PCDH17: variants seen among roughly 807,000 people sequenced by gnomAD.
PCDH17 encodes the protein protocadherin 17, also known as protocadherin-17.
Under a neutral mutation model 67.7 loss-of-function variants are expected in PCDH17, and 21 were observed. The ratio of observed to expected loss-of-function variants is 0.31; its 90% CI spans 0.22 to 0.45. The LOEUF is 0.45. Among genes scored for constraint, PCDH17 ranks in the 20% least tolerant of loss-of-function variants. PCDH17 has a pLI of 1.00. For missense variants in PCDH17, 1,471 were observed against 1,564.8 expected (o/e 0.94, Z 1.01); for synonymous variants, 701 against 656.7 (o/e 1.07, Z -1.03).
chr13:57,719,591 A>G (rs1242862239), intron 3 of PCDH17, among the ~76,000 whole-genome samples: 1 of 152,054 alleles, frequency 6.6e-6, no homozygotes, highest in Non-Finnish European at 1.5e-5. Flanking sequence ...AAATCCTTTT[A>G]TGCTCTCTAA....
chr13:57,630,639 G>T (rs1219320799), upstream of PCDH17, among the ~76,000 whole-genome samples: 1 of 152,152 alleles, frequency 6.6e-6, no homozygotes, highest in Non-Finnish European at 1.5e-5. Context: ...TCGGACTCCG[G>T]CAGAAAGAGG....
chr13:57,725,520 T>TA lies in PCDH17; in HGVS notation c.*228dup. Reference sequence around the variant, plus strand: ...GACCAAACTTGTATTAGGACAGAATTAATGATGCTTAAAGAGAAAAGAAAA... The same window carrying TA: ...GACCAAACTTGTATTAGGACAGAATTAAATGATGCTTAAAGAGAAAAGAAAA... On this transcript the variant is annotated 3_prime_UTR_variant, in exon 4 of 4. Coordinates refer to ENST00000377918, the MANE Select transcript of PCDH17 (RefSeq NM_001040429.3). 1 of 463,202 alleles carries TA rather than the reference T, an allele frequency of 2.2e-6. No homozygotes were observed. The allele number at this position is 463,202 out of a possible 1,614,324, so 28.7% of individuals were successfully genotyped here. A position where few individuals can be genotyped will look rare whatever the true frequency, so the allele number is the denominator to read the frequency against.
At chr13:57,703,010 C>A (rs1037991593) in intron 3 of PCDH17, among the ~76,000 whole-genome samples, 1 of 152,102 alleles carries the variant, frequency 6.6e-6, no homozygotes. Flanking sequence ...TATGTGTGTT[C>A]TGTCTTGTTT....
intron 1 of PCDH17, among the ~76,000 whole-genome samples, chr13:57,663,317 T>C (rs779279890): frequency 6.6e-6 from 1 of 152,172 alleles, no homozygotes; most frequent in Non-Finnish European, 1.5e-5. Flanking sequence ...ATTACTCTGC[T>C]GAGTCCTAAA....
intron 3 of PCDH17, among the ~76,000 whole-genome samples, chr13:57,683,367 G>A (rs1955475534): frequency 6.6e-6 from 1 of 151,814 alleles, no homozygotes; most frequent in Non-Finnish European, 1.5e-5. Flanking sequence ...GGAAACAAAT[G>A]ATTTAATAGA....
chr13:57,713,046 G>A (rs1955789944), intron 3 of PCDH17, among the ~76,000 whole-genome samples: 1 of 151,502 alleles, frequency 6.6e-6, no homozygotes, highest in African/African-American at 2.4e-5. Flanking sequence ...TCTTTACTGT[G>A]ATTCAGAAAT....
rs1004779759 is a variant in PCDH17 at position 57,631,949 on chromosome 13, A to G, written c.-598A>G. The G allele has an allele frequency of 6.5e-6, 1 of 152,926 alleles. No homozygotes were observed. Among genetic ancestry groups the G allele is most frequent in the African/African-American group, 2.4e-5 (1 of 41,398 alleles). The allele number at this position is 152,926 out of a possible 1,614,324, so 9.5% of individuals were successfully genotyped here. On this transcript the variant is annotated 5_prime_UTR_variant, in exon 1 of 4. The change creates a new upstream start codon in the 5' untranslated region. Transcript: ENST00000377918. ...CGGTGCGCTGGGGAAGCTTCAAAAT[A>G]TATCTGTGACTCTGTCTTCGTTGCT...
chr13:57,661,702 C>A (rs1955186112), intron 1 of PCDH17, among the ~76,000 whole-genome samples: 1 of 152,110 alleles, frequency 6.6e-6, no homozygotes, highest in Non-Finnish European at 1.5e-5. Context: ...AGGTTCATTT[C>A]TACTGAATTA....
At chr13:57,707,635 C>G (rs1955733366) in intron 3 of PCDH17, among the ~76,000 whole-genome samples, 1 of 151,958 alleles carries the variant, frequency 6.6e-6, no homozygotes, top group African/African-American at 2.4e-5. Flanking sequence ...TAACGAAGTA[C>G]TGCAAACTGT....
intron 3 of PCDH17, among the ~76,000 whole-genome samples, chr13:57,679,640 A>T (rs1469625072): frequency 6.6e-6 from 1 of 151,538 alleles, no homozygotes; most frequent in African/African-American, 2.4e-5. Context: ...GAAAATTCAT[A>T]TTGAAAGATG....
chr13:57,656,100 C>T (rs1274553229), intron 1 of PCDH17, among the ~76,000 whole-genome samples: 2 of 151,944 alleles, frequency 1.3e-5, no homozygotes, highest in Non-Finnish European at 2.9e-5. Context: ...TAAACAATGC[C>T]TCCACTTTAT....
At chr13:57,698,927 A>AG (rs1955637074) in intron 3 of PCDH17, among the ~76,000 whole-genome samples, 2 of 151,950 alleles carry the variant, frequency 1.3e-5, no homozygotes, top group Non-Finnish European at 2.9e-5. Context: ...AAGGAAAAGG[A>AG]GAAAAAAAAC....
At chr13:57,687,684 T>G (rs1414848577) in intron 3 of PCDH17, among the ~76,000 whole-genome samples, 1 of 151,990 alleles carries the variant, frequency 6.6e-6, no homozygotes, top group Non-Finnish European at 1.5e-5. Context: ...TAAAATATTA[T>G]GATTAAAATA....
upstream of PCDH17, among the ~76,000 whole-genome samples, chr13:57,630,612 C>A (rs534339632): frequency 1.3e-5 from 2 of 152,242 alleles, no homozygotes; most frequent in Admixed American, 1.3e-4. Flanking sequence ...AAAGCAGACG[C>A]CTTGTTTTCC....
At chr13:57,641,703 C>G (rs1432139766) in intron 1 of PCDH17, among the ~76,000 whole-genome samples, 1 of 144,088 alleles carries the variant, frequency 6.9e-6, no homozygotes, top group Non-Finnish European at 1.5e-5. Flanking sequence ...GGATCTATTC[C>G]AAGCAGTTTT....
rs150883026 is a variant in PCDH17 at position 57,644,966 on chromosome 13, G to A, written c.2565+9855G>A. Among the ~76,000 whole-genome samples the A allele has an allele frequency of 5.9e-4, 90 of 151,720 alleles. 1 individual carries two copies. In the East Asian group the frequency reaches 0.016, roughly 27 times the overall value. The stretch of plus-strand genomic sequence containing the variant: ...TGGTAAAATAATATCTAATCCAGTA[G>A]TAGCCATGGAAGTGATCCCAAAGCT... On this transcript the variant is annotated intron_variant, in intron 1 of 3. Coordinates refer to ENST00000377918, the MANE Select transcript of PCDH17 (RefSeq NM_001040429.3).
At chr13:57,687,134 A>C (rs1293699252) in intron 3 of PCDH17, among the ~76,000 whole-genome samples, 6 of 152,072 alleles carry the variant, frequency 3.9e-5, no homozygotes, top group Admixed American at 1.3e-4. Context: ...TCCGTTGATA[A>C]AATGCAATTT....
In PCDH17 at chr13:57,724,745, A is replaced by G. The variant is rs1382386327; in HGVS notation, c.2931A>G (p.Thr977=). 12 of 1,614,054 alleles carry G rather than the reference A, an allele frequency of 7.4e-6. No homozygotes were observed. The highest frequency in any genetic ancestry group is 1.0e-5 in the Non-Finnish European group (12 of 1,180,018). ...ADYRTNLFVP[T]VEANVETETY... is the part of the protein sequence containing the mutation. ...ACCGCACAAATCTCTTTGTACCTAC[A>G]GTTGAAGCTAATGTTGAGACTGAGA... Residue 977 remains threonine, a synonymous_variant, in exon 4 of 4, where the codon ACA becomes ACG. Transcript: ENST00000377918.
At chr13:57,721,054 A>T (rs950205538) in intron 3 of PCDH17, among the ~76,000 whole-genome samples, 3 of 152,044 alleles carry the variant, frequency 2.0e-5, no homozygotes, top group Non-Finnish European at 4.4e-5. Context: ...AACTGTAAAC[A>T]CTGTAGTTTA....
Sources: allele counts gnomAD v4.1 joint callset (sites outside exome capture counted in the v4.1 genomes callset), GRCh38; gene constraint gnomAD v4.1.1; transcripts MANE v1.5; gene names NCBI Gene and HGNC (gene_info 2026-07-23, HGNC 2026-07-21).